The following CPNE5 variants were observed in gnomAD, a reference collection of about 807,000 sequenced individuals.
The protein encoded by CPNE5 is copine 5.
CPNE5 carries 42 observed loss-of-function variants against 81.1 expected under a neutral mutation model. The ratio of observed to expected loss-of-function variants is 0.52; its 90% CI spans 0.40 to 0.67. The LOEUF is 0.67. Among genes scored for constraint, CPNE5 ranks in the 30% least tolerant of loss-of-function variants. CPNE5 has a pLI of 0.00. For synonymous variants in CPNE5, 313 were observed against 321.5 expected, an observed-to-expected ratio of 0.97 and a Z score of 0.28; for missense variants, 612 against 815.5, an observed-to-expected ratio of 0.75 and a Z score of 3.04.
intron 12 of CPNE5, among the ~76,000 whole-genome samples, chr6:36,760,507 G>A (rs1765921191): frequency 6.6e-6 from 1 of 152,168 alleles, no homozygotes; most frequent in South Asian, 2.1e-4. Context: ...CTGTGGCAAA[G>A]CCCCATAAGG....
intron 3 of CPNE5, among the ~76,000 whole-genome samples, chr6:36,812,907 C>T (rs1378551145): frequency 6.6e-6 from 1 of 152,188 alleles, no homozygotes; most frequent in African/African-American, 2.4e-5. Flanking sequence ...CTGCCTTCCG[C>T]TTTGTGCCTT....
intron 8 of CPNE5, 69 bp downstream of exon 8, chr6:36,791,964 G>A (rs9366916): frequency 0.54 from 750,047 of 1,395,048 alleles, 203,730 homozygotes; most frequent in African/African-American, 0.68. Flanking sequence ...CAGGGGCTCA[G>A]GGAGGCCAGC....
At chr6:36,777,142 A>C (rs186890) in intron 9 of CPNE5, among the ~76,000 whole-genome samples, 110,750 of 152,008 alleles carry the variant, frequency 0.73, 40,612 homozygotes, top group Middle Eastern at 0.82. Context: ...CTCTGCAAGC[A>C]CTCTGGGTTT....
intron 3 of CPNE5, among the ~76,000 whole-genome samples, chr6:36,800,725 G>A (rs1346899749): frequency 1.3e-5 from 2 of 152,214 alleles, no homozygotes; most frequent in African/African-American, 4.8e-5. Context: ...CCAAGGTTAT[G>A]TTGTAAACAA....
chr6:36,804,362 T>G (rs1390736042), intron 3 of CPNE5, among the ~76,000 whole-genome samples: 1 of 152,214 alleles, frequency 6.6e-6, no homozygotes, highest in East Asian at 1.9e-4. Flanking sequence ...AATAACAATC[T>G]TACAATGCAT....
Position 36,827,222 on chromosome 6 carries a change from C to A in CPNE5, c.96-4124G>T, listed in dbSNP as rs145299233. 47 of 584,444 alleles carry A rather than the reference C, an allele frequency of 8.0e-5. No individual in the cohort carries two copies. In the East Asian group the frequency reaches 6.7e-3, roughly 84 times the overall value. 36.2% of individuals were successfully genotyped at this position (584,444 alleles called of 1,614,324 possible). A position where few individuals can be genotyped will look rare whatever the true frequency, so the allele number is the denominator to read the frequency against. ...CTTCTGCCTCTCGCCTATGTCCCTG[C>A]GCCCTACACCCTCTGATCCCACACC... is the stretch of plus-strand genomic sequence containing the variant. On this transcript the variant is annotated intron_variant, in intron 1 of 20. Coordinates refer to ENST00000244751, the MANE Select transcript of CPNE5 (RefSeq NM_020939.2).
intron 1 of CPNE5, among the ~76,000 whole-genome samples, chr6:36,837,781 G>T (rs1278081215): frequency 6.6e-6 from 1 of 152,072 alleles, no homozygotes; most frequent in Non-Finnish European, 1.5e-5. Flanking sequence ...GAGGTGGGAA[G>T]GATCCCAAGA....
chr6:36,836,741 C>A (rs1003173221), intron 1 of CPNE5, among the ~76,000 whole-genome samples: 5 of 152,040 alleles, frequency 3.3e-5, no homozygotes, highest in African/African-American at 1.2e-4. Context: ...CTCCTCTCCT[C>A]CTCCTTTTCC....
rs1312011953 is a variant in CPNE5, at chr6:36,774,941, G to A, written c.737+20C>T. 3.8e-6 allele frequency: 6 copies of A among 1,590,186 alleles called. No homozygotes were observed. In the South Asian group the frequency reaches 5.5e-5, roughly 15 times the overall value. On this transcript the variant is annotated intron_variant, in intron 10 of 20. Transcript: ENST00000244751. Reference sequence around the variant, plus strand: ...GCCCAGAAGCAGAAGGAAAAAAGAAGGGACATTTTCTCATCTCACCGATCG... The same window carrying A: ...GCCCAGAAGCAGAAGGAAAAAAGAAAGGACATTTTCTCATCTCACCGATCG...
At chr6:36,838,605 ACAAT>A (rs1348439863) in intron 1 of CPNE5, 1 of 215,730 alleles carries the variant, frequency 4.6e-6, no homozygotes, top group East Asian at 1.8e-4. Context: ...CTACAGTTTC[ACAAT>A]CAGTGTTCTA....
At chr6:36,765,303 A>T in intron 11 of CPNE5, 32 bp downstream of exon 11, 1 of 1,611,758 alleles carries the variant, frequency 6.2e-7, no homozygotes, top group Non-Finnish European at 8.5e-7. Context: ...ATCCCCACTC[A>T]CCTTCTCGCC....
intron 10 of CPNE5, 116 bp from the exon 11 acceptor site, chr6:36,765,492 C>G: frequency 8.1e-7 from 1 of 1,241,408 alleles, no homozygotes; most frequent in Non-Finnish European, 1.1e-6. Context: ...CTCTGGGCCC[C>G]AGGGCCCTGG....
In CPNE5 at chr6:36,779,824, C is replaced by T. The variant is rs537820966; in HGVS notation, c.529-867G>A. 9.1e-4 allele frequency among the ~76,000 whole-genome samples: 139 copies of T among 152,332 alleles called. 2 individuals carry two copies. In the Middle Eastern group the frequency reaches 0.01, roughly 11 times the overall value. On this transcript the variant is annotated intron_variant, in intron 8 of 20. Transcript: ENST00000244751. ...GATGTCCCTGTTGTCCCCTTCACCCCTCCCGTGTGGCCTCTGCAATTTGAA... is the reference window on the plus strand; with the variant it reads ...GATGTCCCTGTTGTCCCCTTCACCCTTCCCGTGTGGCCTCTGCAATTTGAA...
At chr6:36,821,078 C>T (rs1230696469) in intron 3 of CPNE5, among the ~76,000 whole-genome samples, 1 of 151,952 alleles carries the variant, frequency 6.6e-6, no homozygotes, top group African/African-American at 2.4e-5. Flanking sequence ...AGGAGGCCTC[C>T]ACAGGGTGAC....
intron 13 of CPNE5, among the ~76,000 whole-genome samples, chr6:36,753,359 C>CA (rs1158008242): frequency 6.6e-6 from 1 of 152,256 alleles, no homozygotes; most frequent in Non-Finnish European, 1.5e-5. Flanking sequence ...TGTCTGACTT[C>CA]AGAGCCTGCA....
chr6:36,769,301 A>G (rs1361038566), intron 10 of CPNE5, among the ~76,000 whole-genome samples: 1 of 152,214 alleles, frequency 6.6e-6, no homozygotes, highest in African/African-American at 2.4e-5. Flanking sequence ...TGAGTCACAC[A>G]GCTGGTCAGT....
intron 15 of CPNE5, among the ~76,000 whole-genome samples, chr6:36,747,915 C>A (rs1212487748): frequency 6.6e-6 from 1 of 152,204 alleles, no homozygotes; most frequent in Non-Finnish European, 1.5e-5. Flanking sequence ...GGGATTTGAT[C>A]CCGGGGGGAA....
At chr6:36,802,914 C>A (rs1283228801) in intron 3 of CPNE5, among the ~76,000 whole-genome samples, 1 of 151,992 alleles carries the variant, frequency 6.6e-6, no homozygotes, top group African/African-American at 2.4e-5. Context: ...AAAATTGAGC[C>A]AGGCTTGATG....
Position 36,746,398 on chromosome 6 carries a change from G to T in CPNE5, c.1198C>A (p.Leu400Met). Residue 400 changes from leucine (L) to methionine (M), a missense_variant and splice_region_variant, in exon 16 of 21, where the codon CTG (leucine) becomes ATG (methionine). Physicochemically the swap from Leu to Met is conservative, Grantham distance 15. Transcript: ENST00000244751. This position sits in a 1 kb window ranked among gnomAD's most constrained non-coding sequence, Gnocchi z 4.5. ...CTCCCACCAGCGGGACCACCTACCA[G>T]TGGGAACTCGTGGGACACTCTGCCA... ...PDGRVSHEFP[L>M]NGNQENPSCC... 6.4e-7 allele frequency: 1 copy of T among 1,554,298 alleles called. No homozygotes were observed. Among genetic ancestry groups the T allele is most frequent in the African/African-American group, 1.4e-5 (1 of 72,430 alleles).
Sources: allele counts gnomAD v4.1 joint callset (sites outside exome capture counted in the v4.1 genomes callset), GRCh38; gene constraint gnomAD v4.1.1; non-coding constraint Gnocchi (gnomAD v3.1); transcripts MANE v1.5; gene names NCBI Gene and HGNC (gene_info 2026-07-23, HGNC 2026-07-21).